The following RDX variants were observed in gnomAD, a reference collection of about 807,000 sequenced individuals.
RDX encodes deafness, autosomal recessive 24.
In RDX, 32 loss-of-function variants were observed where a neutral mutation model predicts 83.7. The ratio of observed to expected loss-of-function variants is 0.38; its 90% confidence interval spans 0.29 to 0.51. The LOEUF (loss-of-function observed/expected upper bound fraction) is 0.51, where lower values mean the gene tolerates loss of function less well. Ranked by LOEUF, RDX falls within the 20% of genes least tolerant of loss-of-function variation. The pLI is 0.87. For missense variants in RDX, 600 were observed against 689.9 expected (o/e 0.87, Z 1.46); for synonymous variants, 229 against 222.7 (o/e 1.03, Z -0.25).
At chr11:110,203,443 T>C (rs977718736) in intron 14 of RDX, among the ~76,000 whole-genome samples, 4 of 146,710 alleles carry the variant, frequency 2.7e-5, no homozygotes, top group African/African-American at 1.0e-4. Flanking sequence ...GTAGAAAGAA[T>C]GAATAAGACC....
rs576835874 is a variant in RDX, at chr11:110,199,812, C to T, written c.1749-134G>A. On this transcript the variant is annotated intron_variant, in intron 14 of 15. Coordinates refer to the RDX transcript ENST00000528498. ...TCTTGTCAGCCTGGATTATGTAGGG[C>T]CTGTTATTGTCAAACTGTCTGCCTA... 798 of 665,092 alleles carry T rather than the reference C, an allele frequency of 1.2e-3. 2 individuals are homozygous for T. The highest frequency in any genetic ancestry group is 2.0e-3 in the Non-Finnish European group (706 of 361,768). 41.2% of individuals were successfully genotyped at this position (665,092 alleles called of 1,614,324 possible). A position where few individuals can be genotyped will look rare whatever the true frequency, so the allele number is the denominator to read the frequency against.
chr11:110,211,787 G>C (rs1314004465), intron 14 of RDX, among the ~76,000 whole-genome samples: 1 of 151,484 alleles, frequency 6.6e-6, no homozygotes, highest in South Asian at 2.1e-4. Flanking sequence ...TGAAACCAAC[G>C]AGAACAAAGA....
At chr11:110,241,056 C>CAAA (rs34548283) in intron 10 of RDX, among the ~76,000 whole-genome samples, 5 of 42,966 alleles carry the variant, frequency 1.2e-4, no homozygotes, top group Admixed American at 2.7e-4. Flanking sequence ...ACTCTGTCTC[C>CAAA]AAAAAAAAAA....
Position 110,262,402 on chromosome 11 carries a change from C to A in RDX, c.467+1558G>T, listed in dbSNP as rs139523925. Among the ~76,000 whole-genome samples, 785 of 151,926 alleles carry A rather than the reference C, an allele frequency of 5.2e-3. 7 individuals carry two copies. The highest frequency in any genetic ancestry group is 0.018 in the African/African-American group (729 of 41,444). ...GAGTTCGAGACCAGCCTGACCAACA[C>A]GGTGAAACTCCATCTCCACTAAAAA... On this transcript the variant is annotated intron_variant, in intron 5 of 13. Transcript: ENST00000645495.
chr11:110,244,101 T>TA (rs1282430435), intron 10 of RDX, among the ~76,000 whole-genome samples: 4 of 151,912 alleles, frequency 2.6e-5, no homozygotes, highest in Non-Finnish European at 4.4e-5. Flanking sequence ...GTGGAAACAA[T>TA]AAAAAACATC....
At chr11:110,187,465 G>A (rs903538505) in intron 15 of RDX, among the ~76,000 whole-genome samples, 4 of 152,192 alleles carry the variant, frequency 2.6e-5, no homozygotes, top group Non-Finnish European at 5.9e-5. Flanking sequence ...CACCCTTCCT[G>A]AGCAGAGATC....
intron 2 of RDX, among the ~76,000 whole-genome samples, chr11:110,277,001 T>C (rs936337188): frequency 6.6e-6 from 1 of 152,226 alleles, no homozygotes; most frequent in African/African-American, 2.4e-5. Context: ...CATATGCACA[T>C]AATATATCGT....
intron 14 of RDX, among the ~76,000 whole-genome samples, chr11:110,219,229 G>A (rs1231256902): frequency 1.3e-5 from 2 of 152,182 alleles, no homozygotes; most frequent in African/African-American, 4.8e-5. Context: ...TGAGTAAGAG[G>A]AGTTGGACCA....
At chr11:110,252,339 C>T (rs189224423) in intron 9 of RDX, among the ~76,000 whole-genome samples, 15 of 152,178 alleles carry the variant, frequency 9.9e-5, no homozygotes, top group Non-Finnish European at 1.9e-4. Context: ...AAACATACTA[C>T]CTGTACTAGA....
At chr11:110,224,121 T>TTCTGAGATAA (rs2134281511) in intron 14 of RDX, among the ~76,000 whole-genome samples, 1 of 152,224 alleles carries the variant, frequency 6.6e-6, no homozygotes, top group African/African-American at 2.4e-5. Context: ...TGCCTGTATA[T>TTCTGAGATAA]TCTGAGATAA....
intron 15 of RDX, among the ~76,000 whole-genome samples, chr11:110,198,087 C>T (rs1262298714): frequency 6.6e-6 from 1 of 152,070 alleles, no homozygotes; most frequent in African/African-American, 2.4e-5. Context: ...ATAAATAAGT[C>T]TAAAACATAA....
chr11:110,263,100 C>G (rs965624132), intron 5 of RDX, among the ~76,000 whole-genome samples: 2 of 151,720 alleles, frequency 1.3e-5, no homozygotes, highest in African/African-American at 4.9e-5. Context: ...CATAGTGATA[C>G]CCTGTCTCTG....
chr11:110,189,300 A>C (rs1034074920), intron 15 of RDX, among the ~76,000 whole-genome samples: 1 of 151,302 alleles, frequency 6.6e-6, no homozygotes, highest in Admixed American at 6.6e-5. Flanking sequence ...CAAAGGGATC[A>C]ATTCAACAAG....
chr11:110,208,179 T>A (rs1213398606), intron 14 of RDX, among the ~76,000 whole-genome samples: 3 of 152,184 alleles, frequency 2.0e-5, no homozygotes, highest in African/African-American at 7.2e-5. Context: ...CTGAAAAATG[T>A]TACTAACGCT....
chr11:110,200,826 T>C (rs1464794875), intron 14 of RDX, among the ~76,000 whole-genome samples: 2 of 152,154 alleles, frequency 1.3e-5, no homozygotes, highest in Admixed American at 6.5e-5. Flanking sequence ...ACCTGAAATT[T>C]AAGAACATTT....
chr11:110,292,642 CAAAT>C (rs941190924), intron 1 of RDX, among the ~76,000 whole-genome samples: 5 of 149,774 alleles, frequency 3.3e-5, no homozygotes, highest in Admixed American at 6.6e-5. Context: ...AAACTTTTCA[CAAAT>C]AAATTAAAAA....
At chr11:110,284,168 A>G (rs897930357) in intron 1 of RDX, among the ~76,000 whole-genome samples, 12 of 152,236 alleles carry the variant, frequency 7.9e-5, no homozygotes, top group Non-Finnish European at 1.6e-4. Context: ...TTGGCTCCAC[A>G]TTTCCAGAAA....
At chr11:110,258,688 C>T (rs1859660459) in intron 5 of RDX, among the ~76,000 whole-genome samples, 1 of 152,026 alleles carries the variant, frequency 6.6e-6, no homozygotes, top group Non-Finnish European at 1.5e-5. Context: ...AACCAGAATT[C>T]TTGGGCCCTA....
chr11:110,224,491 T>C (rs1864368498), downstream of RDX, among the ~76,000 whole-genome samples: 1 of 152,082 alleles, frequency 6.6e-6, no homozygotes, highest in Non-Finnish European at 1.5e-5. Context: ...AAAAGGACAA[T>C]CTGATTCAGA....
Sources: gnomAD v4.1 joint callset for allele counts (sites outside exome capture counted in the v4.1 genomes callset) on GRCh38, gnomAD v4.1.1 for gene constraint, MANE v1.5 for transcripts, NCBI Gene and HGNC (gene_info 2026-07-23, HGNC 2026-07-21) for gene names.